The following LOXL1 variants were observed in gnomAD, a reference collection of about 807,000 sequenced individuals.
The protein encoded by LOXL1 is lysyl oxidase homolog 1.
In LOXL1, 31 loss-of-function variants were observed where a neutral mutation model predicts 62.2. That is an observed-to-expected ratio of 0.50 (90% confidence interval 0.37 to 0.67). LOXL1 has a LOEUF of 0.67. Ranked by LOEUF, LOXL1 falls within the 30% of genes least tolerant of loss-of-function variation. LOXL1 has a pLI of 0.00. For synonymous variants in LOXL1, 403 were observed against 384.4 expected (o/e 1.05, Z -0.56); for missense variants, 775 against 843.4 (o/e 0.92, Z 1.00).
rs924568448 is a variant in LOXL1, at chr15:73,930,641, G to A, written c.1102+2756G>A. The stretch of plus-strand genomic sequence containing the variant: ...TGGCAGCCTGTGAGTGTGTGTGGGC[G>A]TGGACGTGTCCTCACAACACCAAGC... On this transcript the variant is annotated intron_variant, in intron 1 of 6. Coordinates refer to ENST00000261921, the MANE Select transcript of LOXL1 (RefSeq NM_005576.4). This position sits in a 1 kb window ranked among gnomAD's most constrained non-coding sequence, Gnocchi z 4.7. Among the ~76,000 whole-genome samples the A allele has an allele frequency of 2.6e-5, 4 of 152,244 alleles. No homozygotes were observed. The highest frequency in any genetic ancestry group is 3.4e-3 in the Middle Eastern group (1 of 294).
chr15:73,927,289 A>AGCAGCCCTCCTACCC lies in LOXL1; in HGVS notation c.512_526dup (p.Pro171_Gln175dup). On this transcript the variant is annotated inframe_insertion, in exon 1 of 7. Transcript: ENST00000261921. Reference sequence around the variant, plus strand: ...TCGGCCTTCGCCAGCACCTACCGCCAGCAGCCCTCCTACCCGCAGCAGTTC... The same window carrying AGCAGCCCTCCTACCC: ...TCGGCCTTCGCCAGCACCTACCGCCAGCAGCCCTCCTACCCGCAGCCCTCCTACCCGCAGCAGTTC... 1 of 1,603,234 alleles carries AGCAGCCCTCCTACCC rather than the reference A, an allele frequency of 6.2e-7. No individual in the cohort carries two copies. The highest frequency in any genetic ancestry group is 8.5e-7 in the Non-Finnish European group (1 of 1,177,236).
rs567703890 is a variant in LOXL1, at chr15:73,927,266, G to T, written c.483G>T (p.Ser161=). The change falls in exon 1 of 7, where the codon TCG becomes TCT. Residue 161 remains serine, a synonymous_variant. Transcript: ENST00000261921. ...GCTCCGCCTCCTCGGTCTCGGCTTC[G>T]GCCTTCGCCAGCACCTACCGCCAGC... The part of the protein sequence containing the change: ...HGGSASSVSA[S]AFASTYRQQP... The T allele has an allele frequency of 1.2e-6, 2 of 1,601,654 alleles. No homozygotes were observed. The highest frequency in any genetic ancestry group is 1.1e-5 in the South Asian group (1 of 90,168).
At chr15:73,949,992 A>G (rs1427119285) in intron 6 of LOXL1, among the ~76,000 whole-genome samples, 2 of 152,188 alleles carry the variant, frequency 1.3e-5, no homozygotes, top group Non-Finnish European at 2.9e-5. Flanking sequence ...TGATGTCTGC[A>G]TGTTCACAGT....
Position 73,927,630 on chromosome 15 carries a change from AC to A in LOXL1, c.852del (p.Gly285AlafsTer142), listed in dbSNP as rs1192632618. On this transcript the variant is annotated frameshift_variant, in exon 1 of 7. Transcript: ENST00000261921. LOFTEE classifies it high-confidence loss of function. ...CTCGCACAGTCTGTACAGCGAGGGC[AC>A]CCCCGGCTTCGAGCAGGCCTACCCT... ...RYSHSLYSEG[T>X]PGFEQAYPDP... 2.7e-6 allele frequency: 4 copies of A among 1,488,118 alleles called. No individual in the cohort carries two copies. The highest frequency in any genetic ancestry group is 1.3e-5 in the South Asian group (1 of 79,022). The allele number at this position is 1,488,118 out of a possible 1,614,324, so 92.2% of individuals were successfully genotyped here. A position where few individuals can be genotyped will look rare whatever the true frequency, so the allele number is the denominator to read the frequency against.
rs2068625595 is a variant in LOXL1 at position 73,930,113 on chromosome 15, C to T, written c.1102+2228C>T. The stretch of plus-strand genomic sequence containing the variant: ...CATCCTAGGTGCCAAGCTGAGTGTA[C>T]TCACATGCATCAAGTCCAGGCCCTT... On this transcript the variant is annotated intron_variant, in intron 1 of 6. Transcript: ENST00000261921. The surrounding 1 kb of genome is among the most constrained non-coding windows in gnomAD (Gnocchi z 4.7). 6.6e-6 allele frequency among the ~76,000 whole-genome samples: 1 copy of T among 152,218 alleles called. No homozygotes were observed. The highest frequency in any genetic ancestry group is 6.5e-5 in the Admixed American group (1 of 15,288).
intron 1 of LOXL1, chr15:73,942,022 C>A: frequency 1.1e-5 from 2 of 189,608 alleles, no homozygotes; most frequent in Non-Finnish European, 2.4e-5. Context: ...CGCTTGACCC[C>A]AGGCCTTGCA....
Position 73,927,839 on chromosome 15 carries a change from C to T in LOXL1, c.1056C>T (p.Gly352=). ...GGGAGCGGAACGGCGCGCAGCAGGG[C>T]CGCCTCAGCGTGGGCAGCGTGTACC... The part of the protein sequence containing the change: ...PGGERNGAQQ[G]RLSVGSVYRP... The change falls in exon 1 of 7, where the codon GGC becomes GGT. Residue 352 remains glycine, a synonymous_variant. Coordinates refer to ENST00000261921, the MANE Select transcript of LOXL1 (RefSeq NM_005576.4). 1 of 1,343,936 alleles carries T rather than the reference C, an allele frequency of 7.4e-7. No individual in the cohort carries two copies. The highest frequency in any genetic ancestry group is 3.1e-5 in the East Asian group (1 of 32,416). 83.3% of individuals were successfully genotyped at this position (1,343,936 alleles called of 1,614,324 possible). A position where few individuals can be genotyped will look rare whatever the true frequency, so the allele number is the denominator to read the frequency against.
At chr15:73,928,617 A>AC (rs940798897) in intron 1 of LOXL1, among the ~76,000 whole-genome samples, 6 of 150,690 alleles carry the variant, frequency 4.0e-5, no homozygotes, top group Non-Finnish European at 7.4e-5. Flanking sequence ...AAAAAAAAAA[A>AC]AAAAAAAACC....
chr15:73,950,042 T>C (rs66473812), intron 6 of LOXL1, among the ~76,000 whole-genome samples: 2 of 152,080 alleles, frequency 1.3e-5, no homozygotes, highest in Non-Finnish European at 2.9e-5. Flanking sequence ...TAGTGTCCTT[T>C]TCAAGTGGAC....
intron 2 of LOXL1, among the ~76,000 whole-genome samples, chr15:73,946,193 G>C (rs908030771): frequency 6.6e-6 from 1 of 152,244 alleles, no homozygotes; most frequent in Admixed American, 6.5e-5. Flanking sequence ...CATGGTGGAG[G>C]CCAGAAAGGA....
intron 1 of LOXL1, among the ~76,000 whole-genome samples, chr15:73,941,058 G>C (rs1041315508): frequency 3.3e-5 from 5 of 152,190 alleles, no homozygotes; most frequent in African/African-American, 1.2e-4. Context: ...GAAAGGCACT[G>C]GGTGATGGGG....
intron 1 of LOXL1, among the ~76,000 whole-genome samples, chr15:73,928,487 G>T (rs1194039102): frequency 6.6e-6 from 1 of 152,030 alleles, no homozygotes; most frequent in Non-Finnish European, 1.5e-5. Context: ...GCAAGGCTGG[G>T]GCAAGAGAGA....
In LOXL1 at chr15:73,946,531, C is replaced by T; in HGVS notation, c.1326C>T (p.Thr442=). Residue 442 remains threonine (T), a synonymous_variant, in exon 3 of 7, where the codon ACC becomes ACT. Coordinates refer to ENST00000261921, the MANE Select transcript of LOXL1 (RefSeq NM_005576.4). ...ADFLPNRPRH[T]WEWHSCHQHY... ...TCCTCCCCAACCGGCCACGGCACAC[C>T]TGGGAGTGGCACAGCTGCCACCAGT... is the stretch of plus-strand genomic sequence containing the variant. The T allele has an allele frequency of 6.2e-7, 1 of 1,608,656 alleles. No individual in the cohort carries two copies.
At chr15:73,936,050 A>G (rs4077284) in intron 1 of LOXL1, among the ~76,000 whole-genome samples, 104,170 of 150,856 alleles carry the variant, frequency 0.69, 36,478 homozygotes, top group Middle Eastern at 0.8. Flanking sequence ...AGGTTGGGGT[A>G]TGCTGCCAGA....
intron 1 of LOXL1, among the ~76,000 whole-genome samples, chr15:73,938,482 G>A (rs1020372994): frequency 2.6e-5 from 4 of 151,646 alleles, no homozygotes; most frequent in African/African-American, 9.7e-5. Flanking sequence ...AGGCTAAGGT[G>A]GGCAGATCAC....
chr15:73,951,140 G>C (rs979754864), intron 6 of LOXL1, among the ~76,000 whole-genome samples: 1 of 152,196 alleles, frequency 6.6e-6, no homozygotes, highest in Non-Finnish European at 1.5e-5. Flanking sequence ...CTGGGGGCTC[G>C]GGGAGGCAGG....
In LOXL1 at chr15:73,927,042, C is replaced by G. The variant is rs997125969; in HGVS notation, c.259C>G (p.Arg87Gly). Residue 87 changes from arginine (R) to glycine (G), a missense_variant, in exon 1 of 7, where the codon CGC becomes GGC. Transcript: ENST00000261921. ...CGGCGCGCCCCAGGCCCAGCAGCGG[C>G]GCAGCCACGGGAGCCCCCGGCGTCG... ...LAGAPQAQQR[R>G]SHGSPRRRQA... 370 of 1,351,146 alleles carry G rather than the reference C, an allele frequency of 2.7e-4. No individual in the cohort carries two copies. The highest frequency in any genetic ancestry group is 3.3e-4 in the Non-Finnish European group (340 of 1,043,260). The allele number at this position is 1,351,146 out of a possible 1,614,324, so 83.7% of individuals were successfully genotyped here.
At chr15:73,933,771 G>A (rs2068651544) in intron 1 of LOXL1, among the ~76,000 whole-genome samples, 1 of 152,276 alleles carries the variant, frequency 6.6e-6, no homozygotes, top group Non-Finnish European at 1.5e-5. Flanking sequence ...GTCCGCCCAG[G>A]CGGCCCACAC....
chr15:73,933,567 C>T (rs1051284175), intron 1 of LOXL1, among the ~76,000 whole-genome samples: 1 of 152,212 alleles, frequency 6.6e-6, no homozygotes, highest in African/African-American at 2.4e-5. Context: ...GCTTTTTGTC[C>T]TCTCTCCTTC....
Sources: allele counts gnomAD v4.1 joint callset (sites outside exome capture counted in the v4.1 genomes callset), GRCh38; gene constraint gnomAD v4.1.1; non-coding constraint Gnocchi (gnomAD v3.1); transcripts MANE v1.5; gene names NCBI Gene and HGNC (gene_info 2026-07-23, HGNC 2026-07-21).